ARHGEF10: variants seen among roughly 807,000 people sequenced by gnomAD.
The protein encoded by ARHGEF10 is Rho guanine nucleotide exchange factor 10.
Under a neutral mutation model 147.4 loss-of-function variants are expected in ARHGEF10, and 140 were observed. The ratio of observed to expected loss-of-function variants is 0.95; its 90% CI spans 0.83 to 1.09. The LOEUF is 1.09. Among genes scored for constraint, ARHGEF10 ranks in the 50% least tolerant of loss-of-function variants. ARHGEF10 has a pLI of 0.00. For missense variants in ARHGEF10, 2,222 were observed against 1,752.7 expected (o/e 1.27, Z -4.78); for synonymous variants, 902 against 695.8 (o/e 1.30, Z -4.67).
chr8:1,841,816 CGGCGG>C (rs1486349754), intron 1 of ARHGEF10, among the ~76,000 whole-genome samples: 4 of 110,202 alleles, frequency 3.6e-5, no homozygotes, highest in East Asian at 2.6e-4. Context: ...ACTGGGGCCG[CGGCGG>C]GAACTGGGGC....
chr8:1,887,482 C>T (rs1262802598), intron 11 of ARHGEF10, among the ~76,000 whole-genome samples: 1 of 143,818 alleles, frequency 7.0e-6, no homozygotes, highest in African/African-American at 2.6e-5. Flanking sequence ...TGAGGAGACA[C>T]TGAGTGGGGT....
chr8:1,901,733 C>T (rs1283031936), intron 15 of ARHGEF10, among the ~76,000 whole-genome samples: 3 of 152,190 alleles, frequency 2.0e-5, no homozygotes, highest in African/African-American at 4.8e-5. Flanking sequence ...GGTGCCACCA[C>T]CAGTGTGTGG....
intron 25 of ARHGEF10, among the ~76,000 whole-genome samples, chr8:1,931,814 G>A (rs1813173145): frequency 6.6e-6 from 1 of 151,738 alleles, no homozygotes; most frequent in African/African-American, 2.4e-5. Context: ...GGATCCTGCT[G>A]AGGGCTCTGG....
intron 1 of ARHGEF10, among the ~76,000 whole-genome samples, chr8:1,834,627 G>A (rs769603979): frequency 1.2e-4 from 18 of 152,184 alleles, no homozygotes; most frequent in Non-Finnish European, 2.4e-4. Context: ...AGCATTGAGT[G>A]TCCTCACAGA....
intron 2 of ARHGEF10, among the ~76,000 whole-genome samples, chr8:1,850,461 C>T (rs1034312717): frequency 5.4e-5 from 8 of 148,964 alleles, no homozygotes; most frequent in East Asian, 2.0e-4. Flanking sequence ...GTGGGGCAAC[C>T]GCGTGGGCAT....
At chr8:1,888,788 A>AGG (rs1187360020) in intron 11 of ARHGEF10, among the ~76,000 whole-genome samples, 1 of 80,040 alleles carries the variant, frequency 1.2e-5, no homozygotes, top group African/African-American at 5.8e-5. Context: ...GAGTGGGGTG[A>AGG]GTATTGTGAG....
At chr8:1,954,219 T>C (rs1405487493) in intron 28 of ARHGEF10, among the ~76,000 whole-genome samples, 5 of 151,990 alleles carry the variant, frequency 3.3e-5, no homozygotes, top group Non-Finnish European at 7.4e-5. Context: ...TCAGCCTCCC[T>C]AGTAGCTGGG....
At chr8:1,906,048 C>T in intron 17 of ARHGEF10, among the ~76,000 whole-genome samples, 1 of 152,156 alleles carries the variant, frequency 6.6e-6, no homozygotes. Flanking sequence ...CTCTCTTTAC[C>T]TGCTTCTCTA....
At chr8:1,901,162 G>T (rs986559140) in intron 15 of ARHGEF10, among the ~76,000 whole-genome samples, 1 of 152,092 alleles carries the variant, frequency 6.6e-6, no homozygotes, top group South Asian at 2.1e-4. Flanking sequence ...AGGGCACCCG[G>T]GATGGGGCGA....
At chr8:1,850,195 C>CAACCGTGT (rs1804989153) in intron 2 of ARHGEF10, among the ~76,000 whole-genome samples, 1 of 78,936 alleles carries the variant, frequency 1.3e-5, no homozygotes, top group Non-Finnish European at 2.9e-5. Context: ...GGGCGTGGGG[C>CAACCGTGT]GGCCACATGG....
intron 2 of ARHGEF10, among the ~76,000 whole-genome samples, chr8:1,854,580 G>C (rs772782547): frequency 6.6e-6 from 1 of 152,188 alleles, no homozygotes; most frequent in Admixed American, 6.5e-5. Context: ...ACAGCAGAGA[G>C]CTCTTGAATT....
chr8:1,958,044 T>C lies in ARHGEF10; in HGVS notation c.*781T>C, dbSNP rs1180339242. ...AATTATTCCTCCCTTCTCGTATAAA[T>C]AGAGTGACTATCCACAGGAGAAAAG... On this transcript the variant is annotated 3_prime_UTR_variant, in exon 29 of 29. Coordinates refer to ENST00000349830, the MANE Select transcript of ARHGEF10 (RefSeq NM_014629.4). 6.6e-6 allele frequency: 1 copy of C among 152,238 alleles called. No individual in the cohort carries two copies. Among genetic ancestry groups the C allele is most frequent in the Non-Finnish European group, 1.5e-5 (1 of 68,044 alleles). 9.4% of individuals were successfully genotyped at this position (152,238 alleles called of 1,614,324 possible).
In ARHGEF10 at chr8:1,922,998, A is replaced by G; in HGVS notation, c.2178A>G (p.Gln726=). 1 of 1,613,702 alleles carries G rather than the reference A, an allele frequency of 6.2e-7. No homozygotes were observed. Among genetic ancestry groups the G allele is most frequent in the African/African-American group, 1.3e-5 (1 of 75,036 alleles). Residue 726 remains glutamine, a synonymous_variant, in exon 19 of 29, where the codon CAA becomes CAG. Coordinates refer to ENST00000349830, the MANE Select transcript of ARHGEF10 (RefSeq NM_014629.4). ...KVYMGPGQLY[Q]DLQNLLHDLN... The stretch of plus-strand genomic sequence containing the variant: ...ACATGGGGCCAGGACAACTGTATCA[A>G]GATTTACAAAACTTGTTGCATGACT...
chr8:1,926,977 C>T (rs1037591999), intron 23 of ARHGEF10: 7 of 227,864 alleles, frequency 3.1e-5, no homozygotes, highest in Non-Finnish European at 5.2e-5. Flanking sequence ...GTGTTCCCTC[C>T]CTGCAGCCTC....
intron 9 of ARHGEF10, among the ~76,000 whole-genome samples, chr8:1,881,660 G>A (rs1182742968): frequency 6.6e-6 from 1 of 152,170 alleles, no homozygotes; most frequent in Non-Finnish European, 1.5e-5. Context: ...TGTTCATGGT[G>A]AACGCTTCAG....
intron 11 of ARHGEF10, among the ~76,000 whole-genome samples, chr8:1,887,509 G>A (rs1808777988): frequency 6.8e-6 from 1 of 148,068 alleles, no homozygotes; most frequent in African/African-American, 2.5e-5. Flanking sequence ...GGTCTGTGAG[G>A]AGACCCTGAG....
chr8:1,915,291 A>T (rs1369993335), intron 18 of ARHGEF10, among the ~76,000 whole-genome samples: 1 of 152,238 alleles, frequency 6.6e-6, no homozygotes, highest in Non-Finnish European at 1.5e-5. Context: ...ATGGCATCTG[A>T]AGTGAATGGA....
intron 4 of ARHGEF10, 49 bp downstream of exon 4, chr8:1,860,233 C>G: frequency 6.3e-7 from 1 of 1,599,354 alleles, no homozygotes; most frequent in Non-Finnish European, 8.5e-7. Context: ...GTGGTTCCCT[C>G]CTCTCCACGC....
At chr8:1,827,700 CAGT>C (rs1433643751) in intron 1 of ARHGEF10, among the ~76,000 whole-genome samples, 1 of 152,102 alleles carries the variant, frequency 6.6e-6, no homozygotes, top group Non-Finnish European at 1.5e-5. Context: ...GCAGGCCTGC[CAGT>C]AGAAAGTGCT....
Sources: gnomAD v4.1 joint callset for allele counts (sites outside exome capture counted in the v4.1 genomes callset) on GRCh38, gnomAD v4.1.1 for gene constraint, MANE v1.5 for transcripts, NCBI Gene and HGNC (gene_info 2026-07-23, HGNC 2026-07-21) for gene names.